RBFOX1: variants seen among roughly 807,000 people sequenced by gnomAD.
RBFOX1 encodes RNA binding fox-1 homolog 1, also known as RNA binding protein fox-1 homolog 1.
A neutral mutation model predicts 57.7 loss-of-function variants in RBFOX1; 8 were observed. The observed-to-expected ratio is 0.14, with a 90% confidence interval of 0.08 to 0.25. RBFOX1 has a LOEUF of 0.25. RBFOX1 is among the 10% of genes least tolerant of loss of function. RBFOX1 has a pLI of 1.00. For synonymous variants in RBFOX1, 326 were observed against 222.4 expected (o/e 1.47, Z -4.15); for missense variants, 611 against 548.5 (o/e 1.11, Z -1.14).
chr16:6,590,622 T>G (rs1239384424), intron 2 of RBFOX1, among the ~76,000 whole-genome samples: 2 of 152,156 alleles, frequency 1.3e-5, no homozygotes, highest in Non-Finnish European at 2.9e-5. Context: ...CTAAATTGGC[T>G]TCATGGGGCC....
At chr16:7,352,358 G>T (rs2097143946) in intron 4 of RBFOX1, among the ~76,000 whole-genome samples, 5 of 152,200 alleles carry the variant, frequency 3.3e-5, no homozygotes, top group Non-Finnish European at 1.5e-5. Context: ...GAGAACTGAA[G>T]CTATATATCC....
At chr16:7,619,947 GT>G (rs2059053823) in intron 10 of RBFOX1, among the ~76,000 whole-genome samples, 1 of 152,180 alleles carries the variant, frequency 6.6e-6, no homozygotes, top group Admixed American at 6.5e-5. Context: ...CCTATGGTCT[GT>G]CCCCTGACTT....
chr16:7,572,416 C>G (rs934152020), intron 5 of RBFOX1, among the ~76,000 whole-genome samples: 1 of 152,194 alleles, frequency 6.6e-6, no homozygotes, highest in Non-Finnish European at 1.5e-5. Context: ...ACAGTTTTGC[C>G]TCCCAGGAGA....
intron 4 of RBFOX1, among the ~76,000 whole-genome samples, chr16:7,304,957 TG>T (rs1285424905): frequency 7.1e-5 from 10 of 140,588 alleles, no homozygotes; most frequent in Non-Finnish European, 1.4e-4. Context: ...TGTGTGTGTG[TG>T]TTTTCCTAAG....
chr16:5,814,734 C>T (rs2055563310), intron 3 of RBFOX1, among the ~76,000 whole-genome samples: 2 of 152,166 alleles, frequency 1.3e-5, no homozygotes, highest in African/African-American at 4.8e-5. Flanking sequence ...CGAGACCATC[C>T]TGGCTAACAA....
intron 4 of RBFOX1, among the ~76,000 whole-genome samples, chr16:7,290,455 T>A (rs77715763): frequency 0.023 from 3,556 of 152,312 alleles, 109 homozygotes; most frequent in East Asian, 0.13. Flanking sequence ...CCTTTCGTAG[T>A]TGAGCACTGT....
chr16:7,058,123 G>A (rs1476750224), intron 4 of RBFOX1, among the ~76,000 whole-genome samples: 1 of 151,882 alleles, frequency 6.6e-6, no homozygotes, highest in African/African-American at 2.4e-5. Context: ...CCAACTGCTA[G>A]CTCTGTATTT....
intron 2 of RBFOX1, among the ~76,000 whole-genome samples, chr16:6,445,227 C>CT (rs200064091): frequency 4.4e-4 from 66 of 151,706 alleles, no homozygotes; most frequent in Admixed American, 3.6e-3. Context: ...GATTTTCTTC[C>CT]TTTTTTTTAT....
intron 2 of RBFOX1, among the ~76,000 whole-genome samples, chr16:6,360,811 T>C (rs773101764): frequency 5.9e-5 from 9 of 152,234 alleles, no homozygotes; most frequent in Non-Finnish European, 7.3e-5. Flanking sequence ...ATGTCTGCTT[T>C]TACATAGTTA....
At chr16:6,897,788 C>T (rs1045711494) in intron 3 of RBFOX1, among the ~76,000 whole-genome samples, 2 of 152,014 alleles carry the variant, frequency 1.3e-5, no homozygotes, top group East Asian at 1.9e-4. Context: ...AGCGAGATTC[C>T]GTCTCAAAAA....
rs568255086 is a variant in RBFOX1 at position 6,097,969 on chromosome 16, G to T, written c.-127+77977G>T. On this transcript the variant is annotated intron_variant, in intron 1 of 15. Coordinates refer to ENST00000550418, the MANE Select transcript of RBFOX1 (RefSeq NM_018723.4). This position sits in a 1 kb window ranked among gnomAD's most constrained non-coding sequence, Gnocchi z 5.0. Reference sequence around the variant, plus strand: ...CCATAGATGATCAGGGCCCCTGCTTGGTCTAGGATGGAGCCTGCAATTTTG... The same window carrying T: ...CCATAGATGATCAGGGCCCCTGCTTTGTCTAGGATGGAGCCTGCAATTTTG... Among the ~76,000 whole-genome samples, 158 of 152,230 alleles carry T rather than the reference G, an allele frequency of 1.0e-3. 1 individual carries two copies. The South Asian group carries it at 0.032, about 31-fold the overall frequency.
intron 3 of RBFOX1, among the ~76,000 whole-genome samples, chr16:7,046,367 C>A (rs1597962895): frequency 6.6e-6 from 1 of 152,026 alleles, no homozygotes; most frequent in African/African-American, 2.4e-5. Flanking sequence ...ATATTTCTCT[C>A]AGTCTACAAG....
intron 3 of RBFOX1, among the ~76,000 whole-genome samples, chr16:6,845,457 TTTTGTCAGG>T (rs1485405242): frequency 6.6e-6 from 1 of 152,172 alleles, no homozygotes; most frequent in African/African-American, 2.4e-5. Flanking sequence ...CATTGCTTGT[TTTTGTCAGG>T]TTTGTCAAAG....
At chr16:6,080,518 T>A (rs992762111) in intron 1 of RBFOX1, among the ~76,000 whole-genome samples, 1 of 152,144 alleles carries the variant, frequency 6.6e-6, no homozygotes, top group Non-Finnish European at 1.5e-5. Flanking sequence ...GAGGCAAACA[T>A]TGATTGAAGA....
chr16:5,398,169 G>A (rs2066615107), intron 1 of RBFOX1, among the ~76,000 whole-genome samples: 1 of 152,200 alleles, frequency 6.6e-6, no homozygotes, highest in Admixed American at 6.5e-5. Context: ...AAGGGTGGCA[G>A]CTTGGGCAAG....
At chr16:5,700,574 A>G (rs1029160644) in intron 3 of RBFOX1, among the ~76,000 whole-genome samples, 5 of 152,184 alleles carry the variant, frequency 3.3e-5, no homozygotes, top group Non-Finnish European at 7.3e-5. Context: ...GTATCTAGGT[A>G]GACATTTCAT....
intron 2 of RBFOX1, among the ~76,000 whole-genome samples, chr16:5,487,155 C>A (rs1307928291): frequency 5.9e-5 from 9 of 152,200 alleles, no homozygotes; most frequent in Admixed American, 3.9e-4. Context: ...TCTGTGCTAT[C>A]CAAGCTCCTT....
intron 3 of RBFOX1, among the ~76,000 whole-genome samples, chr16:6,848,558 G>C (rs1474185161): frequency 6.6e-6 from 1 of 151,404 alleles, no homozygotes; most frequent in Admixed American, 6.6e-5. Context: ...AAGAAAAGAA[G>C]AGATAGAAAA....
intron 4 of RBFOX1, among the ~76,000 whole-genome samples, chr16:7,464,499 A>G (rs1028668517): frequency 2.6e-5 from 4 of 151,366 alleles, no homozygotes; most frequent in Non-Finnish European, 5.9e-5. Context: ...TGGGGTTGCC[A>G]AGGCCTATTG....
Sources: allele counts gnomAD v4.1 joint callset (sites outside exome capture counted in the v4.1 genomes callset), GRCh38; gene constraint gnomAD v4.1.1; non-coding constraint Gnocchi (gnomAD v3.1); transcripts MANE v1.5; gene names NCBI Gene and HGNC (gene_info 2026-07-23, HGNC 2026-07-21).